CAST: variants seen among roughly 807,000 people sequenced by gnomAD.
The protein encoded by CAST is MIR583 host.
A neutral mutation model predicts 119.6 loss-of-function variants in CAST; 76 were observed. The observed-to-expected ratio is 0.64, with a 90% confidence interval of 0.53 to 0.77. The LOEUF (loss-of-function observed/expected upper bound fraction) is 0.77. Ranked by LOEUF, CAST falls within the 30% of genes least tolerant of loss-of-function variation. CAST has a pLI of 0.00. For missense variants in CAST, 953 were observed against 946.5 expected, an observed-to-expected ratio of 1.01 and a Z score of -0.09; for synonymous variants, 319 against 331.6, an observed-to-expected ratio of 0.96 and a Z score of 0.41.
At chr5:96,258,051 G>A in the CAST span, among the ~76,000 whole-genome samples, 1 of 152,072 alleles carries the variant, frequency 6.6e-6, no homozygotes, top group Admixed American at 6.6e-5. Flanking sequence ...TTCATGGTGA[G>A]TAACAGCTTA....
At chr5:96,121,812 C>G in the CAST span, among the ~76,000 whole-genome samples, 1 of 152,090 alleles carries the variant, frequency 6.6e-6, no homozygotes, top group East Asian at 1.9e-4. Flanking sequence ...TAGGAAGGGA[C>G]TATTACTAAG....
the CAST span, among the ~76,000 whole-genome samples, chr5:96,431,733 G>T: frequency 6.6e-6 from 1 of 152,224 alleles, no homozygotes; most frequent in South Asian, 2.1e-4. Flanking sequence ...CAGAGGGTTC[G>T]GTCTACAGAA....
the CAST span, among the ~76,000 whole-genome samples, chr5:96,188,731 T>C: frequency 6.6e-6 from 1 of 152,178 alleles, no homozygotes; most frequent in South Asian, 2.1e-4. Context: ...TTAAAGCCAA[T>C]GAAATTTGTT....
chr5:96,684,977 ATGT>A (rs1610945), intron 2 of CAST, among the ~76,000 whole-genome samples: 54,245 of 150,458 alleles, frequency 0.36, 10,891 homozygotes, highest in East Asian at 0.54. Flanking sequence ...GATATACAAA[ATGT>A]TGTATCATTG....
At chr5:96,053,521 A>G in the CAST span, among the ~76,000 whole-genome samples, 4 of 152,212 alleles carry the variant, frequency 2.6e-5, no homozygotes, top group Non-Finnish European at 5.9e-5. Flanking sequence ...GAAAGACTGC[A>G]TTACTAAATT....
In CAST at chr5:96,746,420, G is replaced by A. The variant is rs1317511845; in HGVS notation, c.1279G>A (p.Ala427Thr). ...CCCATCTGAGTACAGATTAAAACCA[G>A]CCACGGTAAATTTTTAGCCACAGTG... ...TIPSEYRLKP[A>T]TDKDGKPLLP... The change falls in exon 17 of 32, where the codon GCC becomes ACC. Residue 427 changes from alanine (A) to threonine (T), a missense_variant. Coordinates refer to ENST00000675179, the MANE Select transcript of CAST (RefSeq NM_001750.7). The A allele has an allele frequency of 6.3e-7, 1 of 1,596,588 alleles. No homozygotes were observed. Among genetic ancestry groups the A allele is most frequent in the Non-Finnish European group, 8.6e-7 (1 of 1,163,970 alleles).
At chr5:96,234,449 C>A in the CAST span, among the ~76,000 whole-genome samples, 1 of 152,166 alleles carries the variant, frequency 6.6e-6, no homozygotes, top group African/African-American at 2.4e-5. Flanking sequence ...GCGACATATA[C>A]ACAAACCATA....
chr5:96,312,026 GATGGT>G, the CAST span, among the ~76,000 whole-genome samples: 1 of 151,792 alleles, frequency 6.6e-6, no homozygotes, highest in Non-Finnish European at 1.5e-5. Flanking sequence ...TTTGTGGCTT[GATGGT>G]TTTCTGTAGT....
the CAST span, among the ~76,000 whole-genome samples, chr5:96,477,056 A>G: frequency 6.8e-6 from 1 of 147,856 alleles, no homozygotes; most frequent in South Asian, 2.2e-4. Context: ...TGGTAGATCA[A>G]TGTGCCAAAA....
intron 2 of CAST, among the ~76,000 whole-genome samples, chr5:96,680,557 C>G (rs1233921073): frequency 6.6e-6 from 1 of 151,596 alleles, no homozygotes; most frequent in African/African-American, 2.4e-5. Context: ...CAAAGGAACA[C>G]CATTATAGGG....
chr5:96,703,754 G>A (rs1333925742), intron 3 of CAST, among the ~76,000 whole-genome samples: 2 of 152,166 alleles, frequency 1.3e-5, no homozygotes, highest in Non-Finnish European at 2.9e-5. Flanking sequence ...CAGCAGCTCT[G>A]GAAAGTTCCT....
At chr5:96,046,352 C>A in the CAST span, among the ~76,000 whole-genome samples, 28 of 152,286 alleles carry the variant, frequency 1.8e-4, no homozygotes, top group Admixed American at 1.4e-3. Flanking sequence ...ACCTATTAGG[C>A]TGGAGTGCCA....
chr5:96,736,320 C>A, intron 10 of CAST, 80 bp downstream of exon 10: 2 of 815,862 alleles, frequency 2.5e-6, no homozygotes, highest in Non-Finnish European at 3.9e-6. Flanking sequence ...TTCTTGTGGG[C>A]AAATAATATG....
At chr5:96,596,625 T>C (rs1439679428) in intron 1 of CAST, among the ~76,000 whole-genome samples, 1 of 152,074 alleles carries the variant, frequency 6.6e-6, no homozygotes, top group African/African-American at 2.4e-5. Flanking sequence ...GAAAAACAAA[T>C]GTAGCCAAGC....
the CAST span, among the ~76,000 whole-genome samples, chr5:96,158,896 T>G: frequency 3.0e-4 from 46 of 152,290 alleles, no homozygotes; most frequent in Admixed American, 8.5e-4. Context: ...TGCCACAGTT[T>G]GTATGTTAAA....
At chr5:96,653,297 T>C (rs1426620535) in intron 1 of CAST, among the ~76,000 whole-genome samples, 1 of 152,264 alleles carries the variant, frequency 6.6e-6, no homozygotes, top group Admixed American at 6.5e-5. Context: ...CACATTTTTT[T>C]CCTCAAAGTC....
intron 1 of CAST, among the ~76,000 whole-genome samples, chr5:96,557,765 A>C (rs1017604710): frequency 2.6e-5 from 4 of 152,208 alleles, no homozygotes; most frequent in Non-Finnish European, 4.4e-5. Flanking sequence ...GGGAGACTTT[A>C]GCACACCACT....
chr5:96,570,795 T>C (rs1478382128), intron 1 of CAST, among the ~76,000 whole-genome samples: 2 of 152,204 alleles, frequency 1.3e-5, no homozygotes, highest in African/African-American at 4.8e-5. Context: ...AACCCAAGTT[T>C]GAGTCACCTT....
chr5:96,497,412 T>C, the CAST span, among the ~76,000 whole-genome samples: 21 of 152,164 alleles, frequency 1.4e-4, no homozygotes, highest in Non-Finnish European at 2.2e-4. Context: ...TATTTCTAGT[T>C]GTAGATCCCT....
Sources: gnomAD v4.1 joint callset for allele counts (sites outside exome capture counted in the v4.1 genomes callset) on GRCh38, gnomAD v4.1.1 for gene constraint, MANE v1.5 for transcripts, NCBI Gene and HGNC (gene_info 2026-07-23, HGNC 2026-07-21) for gene names.